PRKCE: variants seen among roughly 807,000 people sequenced by gnomAD.
PRKCE encodes protein kinase C epsilon.
PRKCE carries 16 observed loss-of-function variants against 85.4 expected under a neutral mutation model. The ratio of observed to expected loss-of-function variants is 0.19; its 90% CI spans 0.13 to 0.28. PRKCE has a LOEUF of 0.28. Among genes scored for constraint, PRKCE ranks in the 10% least tolerant of loss-of-function variants. The pLI is 1.00. For synonymous variants in PRKCE, 388 were observed against 371.5 expected (o/e 1.04, Z -0.51); for missense variants, 573 against 975.2 (o/e 0.59, Z 5.49).
intron 10 of PRKCE, among the ~76,000 whole-genome samples, chr2:46,060,632 TA>T (rs1667020528): frequency 1.3e-5 from 2 of 152,046 alleles, no homozygotes; most frequent in Admixed American, 1.3e-4. Context: ...TGTGTGATTA[TA>T]AGACACCCCT....
intron 1 of PRKCE, among the ~76,000 whole-genome samples, chr2:45,794,532 C>T (rs768398996): frequency 3.9e-5 from 6 of 152,092 alleles, no homozygotes; most frequent in Non-Finnish European, 5.9e-5. Context: ...CCCTGATGCA[C>T]GGCTTTCTGT....
intron 2 of PRKCE, among the ~76,000 whole-genome samples, chr2:45,854,179 G>A (rs192023841): frequency 7.2e-5 from 11 of 152,326 alleles, no homozygotes; most frequent in African/African-American, 1.9e-4. Flanking sequence ...GACCTGGCCC[G>A]GTGCAGTGTG....
chr2:45,669,296 G>C (rs766693348), intron 1 of PRKCE, among the ~76,000 whole-genome samples: 1 of 152,236 alleles, frequency 6.6e-6, no homozygotes, highest in Non-Finnish European at 1.5e-5. Context: ...TCATGTGGCT[G>C]TCCCCTTGTG....
intron 1 of PRKCE, among the ~76,000 whole-genome samples, chr2:45,738,998 G>A (rs1682321976): frequency 6.6e-6 from 1 of 152,222 alleles, no homozygotes; most frequent in East Asian, 1.9e-4. Context: ...TGGAAGCAAA[G>A]TGGGATGACA....
At chr2:45,860,387 G>A (rs1693055562) in intron 2 of PRKCE, among the ~76,000 whole-genome samples, 1 of 152,210 alleles carries the variant, frequency 6.6e-6, no homozygotes, top group Non-Finnish European at 1.5e-5. Flanking sequence ...GGAGTCAGAG[G>A]AAGGGAATTG....
At chr2:45,713,262 C>T (rs1017749658) in intron 1 of PRKCE, among the ~76,000 whole-genome samples, 1 of 152,156 alleles carries the variant, frequency 6.6e-6, no homozygotes, top group Non-Finnish European at 1.5e-5. Flanking sequence ...CCTTGGACTC[C>T]GCAGCTGATC....
At chr2:45,988,649 G>A (rs1213491980) in intron 6 of PRKCE, among the ~76,000 whole-genome samples, 3 of 152,170 alleles carry the variant, frequency 2.0e-5, no homozygotes, top group African/African-American at 7.2e-5. Flanking sequence ...AGGCAAAATA[G>A]TTCATTTCTT....
Position 46,144,931 on chromosome 2 carries a change from A to G in PRKCE, c.1593-162A>G, listed in dbSNP as rs527305584. Among the ~76,000 whole-genome samples, 150 of 152,338 alleles carry G rather than the reference A, an allele frequency of 9.8e-4. 1 individual carries two copies. Among genetic ancestry groups the G allele is most frequent in the African/African-American group, 3.5e-3 (146 of 41,576 alleles). On this transcript the variant is annotated intron_variant, in intron 11 of 14. Coordinates refer to ENST00000306156, the MANE Select transcript of PRKCE (RefSeq NM_005400.3). Reference sequence around the variant, plus strand: ...GAGGTGCCGTTAGGGGCTGACTAACATGAGAGAGAGCCCCTGGACTGAGAT... The same window carrying G: ...GAGGTGCCGTTAGGGGCTGACTAACGTGAGAGAGAGCCCCTGGACTGAGAT...
At chr2:45,840,796 G>A (rs976875940) in intron 1 of PRKCE, among the ~76,000 whole-genome samples, 3 of 152,232 alleles carry the variant, frequency 2.0e-5, no homozygotes, top group Non-Finnish European at 4.4e-5. Context: ...TGTGTGGGGT[G>A]AGACGTTGGG....
rs1297022354 is a variant in PRKCE, at chr2:45,843,055, C to T, written c.404C>T (p.Ser135Leu). Reference sequence around the variant, plus strand: ...GTGATCATCGATCTCTCAGGGTCGTCGGGTGAAGGTAGGAGAGCGTGACTT... The same window carrying T: ...GTGATCATCGATCTCTCAGGGTCGTTGGGTGAAGGTAGGAGAGCGTGACTT... ...VYVIIDLSGS[S>L]GEAPKDNEER... Residue 135 changes from serine to leucine, a missense_variant, in exon 2 of 15, where the codon TCG becomes TTG. Around this residue, in one of 11 missense-constraint regions of PRKCE, gnomAD observed 33 missense variants for 33.7 expected, o/e 0.98. Transcript: ENST00000306156. 3.7e-6 allele frequency: 6 copies of T among 1,614,054 alleles called. No individual in the cohort carries two copies. The highest frequency in any genetic ancestry group is 5.1e-6 in the Non-Finnish European group (6 of 1,179,932).
chr2:45,698,115 A>C (rs565819668), intron 1 of PRKCE: 1 of 152,770 alleles, frequency 6.5e-6, no homozygotes, highest in African/African-American at 2.4e-5. Context: ...ATTGGGTGCC[A>C]CATGCGAATG....
chr2:45,653,001 C>A (rs1377500047), intron 1 of PRKCE, among the ~76,000 whole-genome samples: 1 of 152,130 alleles, frequency 6.6e-6, no homozygotes, highest in African/African-American at 2.4e-5. Context: ...AATGTGTTCT[C>A]CTCCAGGATG....
At chr2:46,152,211 T>A (rs1676707383) in intron 13 of PRKCE, among the ~76,000 whole-genome samples, 1 of 151,956 alleles carries the variant, frequency 6.6e-6, no homozygotes, top group South Asian at 2.1e-4. Context: ...AGACAGAGTC[T>A]CACTGCAATG....
At chr2:46,107,848 A>G (rs761130499) in intron 11 of PRKCE, among the ~76,000 whole-genome samples, 1 of 152,086 alleles carries the variant, frequency 6.6e-6, no homozygotes, top group Non-Finnish European at 1.5e-5. Flanking sequence ...CCATCTGTAT[A>G]TCTGTATATC....
chr2:46,161,490 G>A (rs1016332943), intron 14 of PRKCE, among the ~76,000 whole-genome samples: 1 of 152,168 alleles, frequency 6.6e-6, no homozygotes, highest in Non-Finnish European at 1.5e-5. Context: ...GAGTCTCCAG[G>A]TCTCAGCAAA....
At chr2:46,127,641 G>C (rs1478925570) in intron 11 of PRKCE, among the ~76,000 whole-genome samples, 2 of 152,248 alleles carry the variant, frequency 1.3e-5, no homozygotes, top group African/African-American at 4.8e-5. Flanking sequence ...AGATAGTTCT[G>C]AGTTGGTAAA....
chr2:45,974,131 T>C (rs1287358607), intron 2 of PRKCE, among the ~76,000 whole-genome samples: 1 of 152,248 alleles, frequency 6.6e-6, no homozygotes, highest in Non-Finnish European at 1.5e-5. Flanking sequence ...TGGTTTTTGG[T>C]TGTCATATTT....
intron 2 of PRKCE, among the ~76,000 whole-genome samples, chr2:45,954,697 A>T (rs887748287): frequency 6.6e-6 from 1 of 152,364 alleles, no homozygotes; most frequent in Admixed American, 6.5e-5. Flanking sequence ...CATGAAAGGA[A>T]TCTTATACAA....
intron 1 of PRKCE, among the ~76,000 whole-genome samples, chr2:45,683,416 C>T (rs1258192487): frequency 1.3e-5 from 2 of 152,222 alleles, no homozygotes; most frequent in Non-Finnish European, 2.9e-5. Flanking sequence ...GGCCCAGTCT[C>T]CTTGGCAGGT....
Sources: allele counts gnomAD v4.1 joint callset (sites outside exome capture counted in the v4.1 genomes callset), GRCh38; gene constraint gnomAD v4.1.1; regional missense constraint gnomAD v4.1.1; transcripts MANE v1.5; gene names NCBI Gene and HGNC (gene_info 2026-07-23, HGNC 2026-07-21).